Variants in CTNNA3 observed in about 807,000 individuals in gnomAD.
The protein encoded by CTNNA3 is catenin alpha 3.
A neutral mutation model predicts 95.7 loss-of-function variants in CTNNA3; 76 were observed. The observed-to-expected ratio is 0.79, with a 90% CI of 0.66 to 0.96. CTNNA3 has a LOEUF of 0.96. Ranked by LOEUF, CTNNA3 falls within the 40% of genes least tolerant of loss-of-function variation. The probability of loss-of-function intolerance (pLI) is 0.00; values close to 1 mark genes in which losing one functional copy is unlikely to be tolerated. For synonymous variants in CTNNA3, 431 were observed against 374.4 expected (o/e 1.15, Z -1.74); for missense variants, 1,191 against 1,089.8 (o/e 1.09, Z -1.31).
intron 11 of CTNNA3, among the ~76,000 whole-genome samples, chr10:66,449,078 AATT>A (rs2093444638): frequency 6.6e-6 from 1 of 152,102 alleles, no homozygotes; most frequent in Non-Finnish European, 1.5e-5. Context: ...CCATTGGAGT[AATT>A]ATATAAAAAA....
At chr10:66,281,923 T>C (rs2091499807) in intron 12 of CTNNA3, among the ~76,000 whole-genome samples, 1 of 151,866 alleles carries the variant, frequency 6.6e-6, no homozygotes, top group African/African-American at 2.4e-5. Flanking sequence ...GTCTATTCTC[T>C]AGGCACATTG....
At chr10:67,482,229 C>T (rs1404422861) in intron 5 of CTNNA3, among the ~76,000 whole-genome samples, 4 of 151,410 alleles carry the variant, frequency 2.6e-5, no homozygotes, top group Admixed American at 6.6e-5. Flanking sequence ...CTTGGCGATG[C>T]GGCCTCTTTT....
At chr10:67,672,769 A>C (rs1297004451) in intron 1 of CTNNA3, among the ~76,000 whole-genome samples, 13 of 152,164 alleles carry the variant, frequency 8.5e-5, no homozygotes, top group Non-Finnish European at 1.8e-4. Flanking sequence ...GTAGCCTTGT[A>C]GTATAGTTTG....
At chr10:66,994,266 C>A (rs561351466) in intron 7 of CTNNA3, among the ~76,000 whole-genome samples, 1 of 152,246 alleles carries the variant, frequency 6.6e-6, no homozygotes, top group East Asian at 1.9e-4. Context: ...AAAATGCTCT[C>A]CAAGCTTTAT....
intron 7 of CTNNA3, among the ~76,000 whole-genome samples, chr10:66,868,352 C>CA (rs1480550670): frequency 2.0e-5 from 3 of 148,348 alleles, no homozygotes; most frequent in African/African-American, 7.5e-5. Context: ...GCAACAAGAG[C>CA]AAAACTCTGT....
intron 1 of CTNNA3, among the ~76,000 whole-genome samples, chr10:67,730,083 C>T (rs921943645): frequency 6.6e-6 from 1 of 152,038 alleles, no homozygotes; most frequent in Non-Finnish European, 1.5e-5. Flanking sequence ...TGTTCCCCAC[C>T]CACCAGGATC....
chr10:67,012,963 C>CTT (rs1285065716), intron 7 of CTNNA3: 4 of 152,116 alleles, frequency 2.6e-5, no homozygotes, highest in Admixed American at 2.6e-4. Flanking sequence ...AAAACCAACA[C>CTT]TTTTCCCTTA....
chr10:66,980,215 T>C (rs964503275), intron 7 of CTNNA3, among the ~76,000 whole-genome samples: 72 of 152,308 alleles, frequency 4.7e-4, no homozygotes, highest in African/African-American at 1.7e-3. Context: ...AACCAGTCTT[T>C]CCTCCCCTGA....
intron 3 of CTNNA3, among the ~76,000 whole-genome samples, chr10:67,548,159 C>A (rs1267337201): frequency 6.6e-6 from 1 of 152,084 alleles, no homozygotes; most frequent in Non-Finnish European, 1.5e-5. Context: ...CCCATGAGAT[C>A]TAGTTGTTTA....
rs180931651 is a variant in CTNNA3, at chr10:67,199,592, A to G, written c.844-19072T>C. ...CACCGTGTTAGCCAGGATGGTCTCA[A>G]TCTCCTGACCTCATATTCCACCCAC... is the stretch of plus-strand genomic sequence containing the variant. On this transcript the variant is annotated intron_variant, in intron 6 of 17. Transcript: ENST00000433211. 2.0e-3 allele frequency among the ~76,000 whole-genome samples: 307 copies of G among 152,150 alleles called. 1 individual carries two copies. The highest frequency in any genetic ancestry group is 3.4e-3 in the Non-Finnish European group (230 of 67,992).
At chr10:66,631,616 T>C (rs941266888) in intron 9 of CTNNA3, among the ~76,000 whole-genome samples, 12 of 152,104 alleles carry the variant, frequency 7.9e-5, no homozygotes, top group African/African-American at 2.9e-4. Flanking sequence ...AATCTATGAA[T>C]AGGAAGAATA....
chr10:66,190,788 G>C (rs564695181), intron 13 of CTNNA3, among the ~76,000 whole-genome samples: 1 of 151,926 alleles, frequency 6.6e-6, no homozygotes, highest in Non-Finnish European at 1.5e-5. Context: ...GTCTCTCAGT[G>C]GTTCAAAAGA....
intron 5 of CTNNA3, among the ~76,000 whole-genome samples, chr10:67,290,344 G>A (rs1839785775): frequency 1.3e-5 from 2 of 152,130 alleles, no homozygotes; most frequent in South Asian, 2.1e-4. Flanking sequence ...ACATTCATGA[G>A]CACATATGCT....
chr10:67,630,371 T>C (rs1317433842), intron 2 of CTNNA3, among the ~76,000 whole-genome samples: 1 of 152,244 alleles, frequency 6.6e-6, no homozygotes, highest in Non-Finnish European at 1.5e-5. Context: ...TGATTTATCA[T>C]GTTCCATTTC....
chr10:66,072,710 T>C (rs781766988), intron 14 of CTNNA3, among the ~76,000 whole-genome samples: 7 of 151,984 alleles, frequency 4.6e-5, no homozygotes, highest in Non-Finnish European at 8.8e-5. Flanking sequence ...TGCCTTCCCC[T>C]TACATCCAAC....
At chr10:66,253,790 A>C (rs948059372) in intron 13 of CTNNA3, among the ~76,000 whole-genome samples, 2 of 152,138 alleles carry the variant, frequency 1.3e-5, no homozygotes, top group Admixed American at 6.6e-5. Flanking sequence ...GAATTATTAA[A>C]AAGGAACTTG....
intron 13 of CTNNA3, among the ~76,000 whole-genome samples, chr10:66,155,354 C>T (rs1564707599): frequency 6.6e-6 from 1 of 151,838 alleles, no homozygotes; most frequent in Admixed American, 6.6e-5. Context: ...TGCTGTCCTA[C>T]TCAACTGGAA....
chr10:66,683,599 T>C (rs1181307888), intron 9 of CTNNA3, among the ~76,000 whole-genome samples: 2 of 151,840 alleles, frequency 1.3e-5, no homozygotes, highest in Non-Finnish European at 2.9e-5. Context: ...GCAAAAATAC[T>C]TACATTAATG....
In CTNNA3 at chr10:65,920,046, G is replaced by T. The variant is rs1009583327; in HGVS notation, c.*284C>A. 1.0e-5 allele frequency: 4 copies of T among 401,546 alleles called. No individual in the cohort carries two copies. The highest frequency in any genetic ancestry group is 1.8e-5 in the Non-Finnish European group (4 of 221,092). The allele number at this position is 401,546 out of a possible 1,614,324, so 24.9% of individuals were successfully genotyped here. On this transcript the variant is annotated 3_prime_UTR_variant, in exon 18 of 18. Transcript: ENST00000433211. ...GCCTCTCCTGTGTTTATTTGGTAAC[G>T]AATAGTAGATAATCTCTATGATGGG...
Sources: allele counts gnomAD v4.1 joint callset (sites outside exome capture counted in the v4.1 genomes callset), GRCh38; gene constraint gnomAD v4.1.1; transcripts MANE v1.5; gene names NCBI Gene and HGNC (gene_info 2026-07-23, HGNC 2026-07-21).